Variants in HSPA12A observed in about 807,000 individuals in gnomAD.
The protein encoded by HSPA12A is heat shock protein family A (Hsp70) member 12A.
A neutral mutation model predicts 69.2 loss-of-function variants in HSPA12A; 28 were observed. That is an observed-to-expected ratio of 0.40 (90% CI 0.30 to 0.55). HSPA12A has a LOEUF of 0.55. Among genes scored for constraint, HSPA12A ranks in the 20% least tolerant of loss-of-function variants. The pLI, the probability that HSPA12A is intolerant of heterozygous loss-of-function variation, is 0.38. For missense variants in HSPA12A, 686 were observed against 900.7 expected (o/e 0.76, Z 3.05); for synonymous variants, 345 against 370.5 (o/e 0.93, Z 0.79).
intron 2 of HSPA12A, among the ~76,000 whole-genome samples, chr10:116,821,023 T>A (rs1845402009): frequency 6.6e-6 from 1 of 151,992 alleles, no homozygotes; most frequent in Non-Finnish European, 1.5e-5. Flanking sequence ...TCTGTCTGCT[T>A]CTCACCCCTC....
chr10:116,726,211 G>C (rs1554885014), intron 1 of HSPA12A, among the ~76,000 whole-genome samples: 2 of 152,100 alleles, frequency 1.3e-5, no homozygotes, highest in African/African-American at 4.8e-5. Flanking sequence ...AAAGGCCCAA[G>C]GAGTGTGGTG....
At chr10:116,845,898 G>A (rs1845871781) in intron 1 of HSPA12A, among the ~76,000 whole-genome samples, 1 of 152,060 alleles carries the variant, frequency 6.6e-6, no homozygotes, top group Admixed American at 6.5e-5. Context: ...TATTTACCTG[G>A]ATCTGTCAAT....
At chr10:116,719,575 A>C (rs1205489282) in intron 1 of HSPA12A, among the ~76,000 whole-genome samples, 13 of 152,336 alleles carry the variant, frequency 8.5e-5, no homozygotes, top group Middle Eastern at 3.4e-3. Flanking sequence ...TAGTTATGCA[A>C]TCTTGAACAA....
At chr10:116,806,651 G>A (rs751200533) in intron 2 of HSPA12A, among the ~76,000 whole-genome samples, 3 of 152,176 alleles carry the variant, frequency 2.0e-5, no homozygotes, top group Non-Finnish European at 4.4e-5. Flanking sequence ...TGAAGGATCA[G>A]TATCTACTTA....
chr10:116,703,292 A>G (rs1554881823), intron 3 of HSPA12A, among the ~76,000 whole-genome samples: 1 of 152,220 alleles, frequency 6.6e-6, no homozygotes, highest in South Asian at 2.1e-4. Context: ...TCAAGAGGAA[A>G]GGTGAGACTT....
chr10:116,783,071 C>T (rs1200655047), intron 2 of HSPA12A, among the ~76,000 whole-genome samples: 1 of 152,224 alleles, frequency 6.6e-6, no homozygotes, highest in Non-Finnish European at 1.5e-5. Flanking sequence ...GTAATCCACA[C>T]AGGCAATGTG....
chr10:116,678,511 T>C (rs1297482844), intron 10 of HSPA12A, among the ~76,000 whole-genome samples: 1 of 149,894 alleles, frequency 6.7e-6, no homozygotes, highest in African/African-American at 2.5e-5. Flanking sequence ...GAGGGGAACC[T>C]GTACATTAGT....
chr10:116,742,330 T>C (rs1851539221), intron 1 of HSPA12A, 100 bp downstream of exon 1: 2 of 1,248,802 alleles, frequency 1.6e-6, no homozygotes, highest in Non-Finnish European at 2.1e-6. Flanking sequence ...CGTCCCCACT[T>C]TTCCACGGCG....
intron 2 of HSPA12A, among the ~76,000 whole-genome samples, chr10:116,793,369 AAGACC>A (rs1261925862): frequency 6.6e-6 from 1 of 152,078 alleles, no homozygotes; most frequent in East Asian, 1.9e-4. Context: ...CCAGGAATTT[AAGACC>A]AGCCTAGGCA....
chr10:116,702,212 G>T (rs1157287547), intron 3 of HSPA12A, among the ~76,000 whole-genome samples: 1 of 152,166 alleles, frequency 6.6e-6, no homozygotes, highest in African/African-American at 2.4e-5. Flanking sequence ...GCTCACCTTT[G>T]GGGCCACTGC....
chr10:116,700,210 G>A (rs1432823457), intron 4 of HSPA12A, among the ~76,000 whole-genome samples: 6 of 152,240 alleles, frequency 3.9e-5, no homozygotes, highest in East Asian at 3.8e-4. Context: ...CCCAGAGTCC[G>A]TGTTCTTAAA....
At chr10:116,779,970 C>T (rs977484231) in intron 2 of HSPA12A, among the ~76,000 whole-genome samples, 11 of 152,146 alleles carry the variant, frequency 7.2e-5, no homozygotes, top group Admixed American at 4.6e-4. Context: ...GAAGGAGCTT[C>T]GACCTACCTA....
At chr10:116,759,373 T>A (rs1843922171) in intron 2 of HSPA12A, among the ~76,000 whole-genome samples, 1 of 152,220 alleles carries the variant, frequency 6.6e-6, no homozygotes, top group African/African-American at 2.4e-5. Context: ...AGGAAGATGT[T>A]AATATGTCTT....
Position 116,686,169 on chromosome 10 carries a change from G to A in HSPA12A, c.664-2207C>T, listed in dbSNP as rs1179702546. On this transcript the variant is annotated intron_variant, in intron 6 of 11. Transcript: ENST00000369209. The surrounding 1 kb of genome is among the most constrained non-coding windows in gnomAD (Gnocchi z 4.1). The stretch of plus-strand genomic sequence containing the variant: ...CATTAGACATCCTTAGCACAAACAT[G>A]GCTGGAGGTTAAAGTGAAAGAGGAT... 6.6e-6 allele frequency among the ~76,000 whole-genome samples: 1 copy of A among 152,138 alleles called. No individual in the cohort carries two copies. The highest frequency in any genetic ancestry group is 1.5e-5 in the Non-Finnish European group (1 of 68,042).
intron 2 of HSPA12A, chr10:116,830,481 T>G (rs1010495108): frequency 2.6e-5 from 4 of 152,164 alleles, no homozygotes; most frequent in African/African-American, 9.7e-5. Flanking sequence ...GTATATTAAA[T>G]ATGCATATAT....
intron 2 of HSPA12A, chr10:116,829,744 A>G (rs921995668): frequency 1.3e-4 from 20 of 152,226 alleles, no homozygotes; most frequent in African/African-American, 4.8e-4. Flanking sequence ...TAAATGACAC[A>G]TGAACTTTTT....
chr10:116,716,015 G>A (rs1850591744), intron 1 of HSPA12A, among the ~76,000 whole-genome samples: 1 of 152,196 alleles, frequency 6.6e-6, no homozygotes, highest in Non-Finnish European at 1.5e-5. Flanking sequence ...TGACAAAACA[G>A]ATGTCCAGCC....
intron 2 of HSPA12A, among the ~76,000 whole-genome samples, 166 bp from the exon 3 acceptor site, chr10:116,705,444 G>A (rs1385659722): frequency 6.6e-6 from 1 of 152,194 alleles, no homozygotes; most frequent in Non-Finnish European, 1.5e-5. Flanking sequence ...AGCCCAGCCT[G>A]GGCCCCCGCC....
At chr10:116,819,829 A>AT (rs1240639658) in intron 2 of HSPA12A, among the ~76,000 whole-genome samples, 1 of 152,012 alleles carries the variant, frequency 6.6e-6, no homozygotes, top group Non-Finnish European at 1.5e-5. Flanking sequence ...AACTTATAGG[A>AT]TTTTTTGGTT....
Sources: allele counts gnomAD v4.1 joint callset (sites outside exome capture counted in the v4.1 genomes callset), GRCh38; gene constraint gnomAD v4.1.1; non-coding constraint Gnocchi (gnomAD v3.1); transcripts MANE v1.5; gene names NCBI Gene and HGNC (gene_info 2026-07-23, HGNC 2026-07-21).